The following ZXDC variants were observed in gnomAD, a reference collection of about 807,000 sequenced individuals.
ZXDC encodes ZXD family zinc finger C.
A neutral mutation model predicts 63.6 loss-of-function variants in ZXDC; 58 were observed. That is an observed-to-expected ratio of 0.91 (90% CI 0.74 to 1.13). The LOEUF (loss-of-function observed/expected upper bound fraction) is 1.13. Ranked by LOEUF, ZXDC falls within the 50% of genes most tolerant of loss-of-function variation. The probability of loss-of-function intolerance (pLI) is 0.00; values close to 1 mark genes in which losing one functional copy is unlikely to be tolerated. For missense variants in ZXDC, 1,133 were observed against 1,148.9 expected, an observed-to-expected ratio of 0.99 and a Z score of 0.20; for synonymous variants, 561 against 496.1, an observed-to-expected ratio of 1.13 and a Z score of -1.74.
chr3:126,461,984 G>A lies in ZXDC; in HGVS notation c.1678C>T (p.Leu560=), dbSNP rs1934568057. Residue 560 remains leucine (L), a synonymous_variant, in exon 6 of 10, where the codon CTA becomes TTA. Coordinates refer to ENST00000389709, the MANE Select transcript of ZXDC (RefSeq NM_025112.5). ...AGGACCAGGGGTTCCATCGGCCCTA[G>A]GGAGCTATTATTAGCAGGGAGGTTC... ...GGNLPANNSS[L]GPMEPLVLVA... The A allele has an allele frequency of 1.2e-6, 2 of 1,614,032 alleles. No individual in the cohort carries two copies. Among genetic ancestry groups the A allele is most frequent in the African/African-American group, 1.3e-5 (1 of 74,914 alleles).
intron 8 of ZXDC, chr3:126,441,170 A>G: frequency 2.0e-6 from 2 of 985,740 alleles, no homozygotes; most frequent in Non-Finnish European, 2.4e-6. Flanking sequence ...AGGTGTGCTC[A>G]AAGACCTCCT....
intron 7 of ZXDC, among the ~76,000 whole-genome samples, chr3:126,444,489 G>GCA (rs1933806951): frequency 4.0e-5 from 6 of 151,776 alleles, no homozygotes; most frequent in African/African-American, 1.2e-4. Context: ...CCGAGATCAT[G>GCA]CCACTGCACT....
chr3:126,454,373 G>A, intron 7 of ZXDC: 1 of 985,132 alleles, frequency 1.0e-6, no homozygotes, highest in Non-Finnish European at 1.2e-6. Flanking sequence ...TCTGTTGTAG[G>A]CTACACATGA....
Position 126,467,925 on chromosome 3 carries a change from AT to A in ZXDC, c.1271-1601del, listed in dbSNP as rs1365523316. 9.9e-5 allele frequency among the ~76,000 whole-genome samples: 15 copies of A among 152,258 alleles called. 1 individual carries two copies. The highest frequency in any genetic ancestry group is 3.6e-4 in the African/African-American group (15 of 41,550). On this transcript the variant is annotated intron_variant, in intron 4 of 9. Transcript: ENST00000389709. ...ACACTCTTGCCAGCACTGGGTTTCC[AT>A]TTTTTAAAGTACTTGCTAATTCCAT...
chr3:126,441,238 C>T, intron 8 of ZXDC: 2 of 985,924 alleles, frequency 2.0e-6, no homozygotes. Flanking sequence ...GGGGCCTGGG[C>T]CTGCCCTGGA....
At chr3:126,445,385 A>G (rs1933844002) in intron 7 of ZXDC, among the ~76,000 whole-genome samples, 1 of 152,002 alleles carries the variant, frequency 6.6e-6, no homozygotes, top group Admixed American at 6.6e-5. Flanking sequence ...ACCCCTAGAC[A>G]CATCTCTGCA....
At chr3:126,460,457 C>T (rs1489945686) in intron 6 of ZXDC, 7 of 984,922 alleles carry the variant, frequency 7.1e-6, no homozygotes, top group Non-Finnish European at 8.4e-6. Flanking sequence ...AAAATGAACA[C>T]GGGGTTAAGA....
At chr3:126,438,687 C>A (rs1022344958) in intron 9 of ZXDC, among the ~76,000 whole-genome samples, 8 of 152,218 alleles carry the variant, frequency 5.3e-5, no homozygotes, top group Non-Finnish European at 1.0e-4. Context: ...TTGACGTATA[C>A]CCTCACATGT....
rs991303036 is a variant in ZXDC at position 126,451,280 on chromosome 3, C to A, written c.2212+8373G>T. Reference sequence around the variant, plus strand: ...TACTGCTTGTTTCCAGGTAAATGTACACAAAAATTTGTCTCTCAACACACC... The same window carrying A: ...TACTGCTTGTTTCCAGGTAAATGTAAACAAAAATTTGTCTCTCAACACACC... On this transcript the variant is annotated intron_variant, in intron 7 of 9. Transcript: ENST00000389709. 4.1e-6 allele frequency: 4 copies of A among 985,240 alleles called. No individual in the cohort carries two copies. In the African/African-American group the frequency reaches 7.0e-5, roughly 17 times the overall value. The allele number at this position is 985,240 out of a possible 1,614,324, so 61.0% of individuals were successfully genotyped here. A position where few individuals can be genotyped will look rare whatever the true frequency, so the allele number is the denominator to read the frequency against.
chr3:126,438,566 G>T, intron 9 of ZXDC, 105 bp from the exon 10 acceptor site: 1 of 966,378 alleles, frequency 1.0e-6, no homozygotes, highest in South Asian at 1.7e-5. Flanking sequence ...TGAGATACCT[G>T]ACTTCTCTTA....
intron 5 of ZXDC, 61 bp from the exon 6 acceptor site, chr3:126,462,281 T>C (rs910819837): frequency 7.8e-5 from 118 of 1,519,740 alleles, no homozygotes; most frequent in Non-Finnish European, 1.0e-4. Context: ...GTACTTTTGT[T>C]TATGCCCATG....
chr3:126,440,876 G>A (rs1933648881), intron 8 of ZXDC: 4 of 985,690 alleles, frequency 4.1e-6, no homozygotes, highest in South Asian at 4.7e-5. Context: ...TGTTTCCTTG[G>A]CGAGACTCTC....
At chr3:126,440,760 C>A (rs181168911) in intron 8 of ZXDC, 32 of 986,312 alleles carry the variant, frequency 3.2e-5, no homozygotes, top group Non-Finnish European at 3.9e-5. Flanking sequence ...TTCCAACCAG[C>A]ACAGGGCCAC....
intron 7 of ZXDC, chr3:126,454,988 G>A (rs1036010958): frequency 1.1e-5 from 11 of 985,282 alleles, no homozygotes; most frequent in East Asian, 1.1e-4. Flanking sequence ...AAGAACTGAC[G>A]TGTGCACTGG....
In ZXDC at chr3:126,471,690, AAT is replaced by A. The variant is rs1486579465; in HGVS notation, c.1139+281_1139+282del. Among the ~76,000 whole-genome samples the A allele has an allele frequency of 3.3e-5, 5 of 152,068 alleles. No individual in the cohort carries two copies. In the East Asian group the frequency reaches 9.6e-4, roughly 29 times the overall value. On this transcript the variant is annotated intron_variant, in intron 3 of 9. Transcript: ENST00000389709. ...ATTACATGAAGAAAGCTTATTCTAC[AAT>A]GTTAAGTTAAAAAAAAAACCTGGAA...
intron 9 of ZXDC, 144 bp downstream of exon 9, chr3:126,439,488 C>A: frequency 7.2e-7 from 1 of 1,389,750 alleles, no homozygotes; most frequent in Non-Finnish European, 9.8e-7. Context: ...CAGAAGGCAG[C>A]AAGACATCCT....
In ZXDC at chr3:126,475,396, C is replaced by A; in HGVS notation, c.470G>T (p.Gly157Val). The A allele has an allele frequency of 1.7e-6, 2 of 1,207,306 alleles. No individual in the cohort carries two copies. Among genetic ancestry groups the A allele is most frequent in the Non-Finnish European group, 1.0e-6 (1 of 969,048 alleles). The allele number at this position is 1,207,306 out of a possible 1,614,324, so 74.8% of individuals were successfully genotyped here. A position where few individuals can be genotyped will look rare whatever the true frequency, so the allele number is the denominator to read the frequency against. Residue 157 changes from glycine to valine, a missense_variant, in exon 1 of 10, where the codon GGC becomes GTC. Physicochemically the swap from Gly to Val is moderately radical, Grantham distance 109. Coordinates refer to ENST00000389709, the MANE Select transcript of ZXDC (RefSeq NM_025112.5). ...GGGCGCGCGGCGGGGAGCGGCGGCG[C>A]CCGCGGTTGCGGGGCCGGGCGGCGC... ...LSAPPGPATA[G>V]AAAPRRAPQA...
Position 126,462,017 on chromosome 3 carries a change from G to C in ZXDC, c.1645C>G (p.Leu549Val), listed in dbSNP as rs1934569990. 1 of 1,614,044 alleles carries C rather than the reference G, an allele frequency of 6.2e-7. No homozygotes were observed. Among genetic ancestry groups the C allele is most frequent in the Non-Finnish European group, 8.5e-7 (1 of 1,180,052 alleles). ...TTATTAGCAGGGAGGTTCCCTCCCA[G>C]AGAGGAGCTCACAGAAGTGACGTCA... Reference protein sequence around the residue: ...TIDVTSVSSSLGGNLPANNSS... With the variant: ...TIDVTSVSSSVGGNLPANNSS... The change falls in exon 6 of 10, where the codon CTG becomes GTG. Residue 549 changes from leucine to valine, a missense_variant. Leu to Val is a conservative substitution (Grantham distance 32, BLOSUM62 1). Coordinates refer to ENST00000389709, the MANE Select transcript of ZXDC (RefSeq NM_025112.5).
chr3:126,446,740 T>C (rs1388256434), intron 7 of ZXDC, among the ~76,000 whole-genome samples: 1 of 145,088 alleles, frequency 6.9e-6, no homozygotes, highest in African/African-American at 2.4e-5. Context: ...CTTATAAAGA[T>C]ATAATATGTT....
Sources: gnomAD v4.1 joint callset for allele counts (sites outside exome capture counted in the v4.1 genomes callset) on GRCh38, gnomAD v4.1.1 for gene constraint, MANE v1.5 for transcripts, NCBI Gene and HGNC (gene_info 2026-07-23, HGNC 2026-07-21) for gene names.